FOCAD: variants seen among roughly 807,000 people sequenced by gnomAD.
FOCAD encodes the protein KIAA1797.
A neutral mutation model predicts 225.6 loss-of-function variants in FOCAD; 198 were observed. The observed-to-expected ratio is 0.88, with a 90% CI of 0.78 to 0.99. The LOEUF is 0.99. FOCAD is among the 50% of genes least tolerant of loss of function. The pLI is 0.00. For missense variants in FOCAD, 2,713 were observed against 2,123.6 expected (o/e 1.28, Z -5.46); for synonymous variants, 897 against 755.0 (o/e 1.19, Z -3.08).
intron 20 of FOCAD, among the ~76,000 whole-genome samples, chr9:20,883,218 C>T (rs1452869565): frequency 1.3e-5 from 2 of 152,204 alleles, no homozygotes; most frequent in African/African-American, 4.8e-5. Flanking sequence ...AATATCAATT[C>T]TAACTGGCCT....
chr9:20,951,874 A>G (rs1469031229), intron 34 of FOCAD, among the ~76,000 whole-genome samples: 1 of 152,182 alleles, frequency 6.6e-6, no homozygotes, highest in African/African-American at 2.4e-5. Flanking sequence ...GGTACCAATG[A>G]TTCCTTATTA....
At chr9:20,901,636 TA>T (rs1832574285) in intron 21 of FOCAD, among the ~76,000 whole-genome samples, 2 of 151,910 alleles carry the variant, frequency 1.3e-5, no homozygotes, top group Non-Finnish European at 1.5e-5. Context: ...TCCCTTGTAG[TA>T]AAACATGTAT....
chr9:20,687,117 T>A (rs1204823764), intron 1 of FOCAD, among the ~76,000 whole-genome samples: 1 of 152,186 alleles, frequency 6.6e-6, no homozygotes, highest in Non-Finnish European at 1.5e-5. Flanking sequence ...TTATATATTT[T>A]GAAGATGTTC....
chr9:20,729,822 C>T (rs547826120), intron 4 of FOCAD, among the ~76,000 whole-genome samples: 4 of 152,164 alleles, frequency 2.6e-5, no homozygotes, highest in Admixed American at 6.6e-5. Flanking sequence ...ATCTATGTTG[C>T]TCAGACAGGG....
intron 15 of FOCAD, among the ~76,000 whole-genome samples, chr9:20,860,889 T>C (rs534057504): frequency 1.3e-5 from 2 of 152,362 alleles, no homozygotes; most frequent in South Asian, 2.1e-4. Context: ...CCTTTTCTTT[T>C]AGATTTGGTT....
intron 28 of FOCAD, among the ~76,000 whole-genome samples, chr9:20,936,959 G>A (rs1836040354): frequency 6.6e-6 from 1 of 152,064 alleles, no homozygotes; most frequent in Non-Finnish European, 1.5e-5. Context: ...GCCAAATCAT[G>A]AGTGAACTCC....
At chr9:20,930,533 T>TTGG (rs1835368952) in intron 27 of FOCAD, among the ~76,000 whole-genome samples, 1 of 152,214 alleles carries the variant, frequency 6.6e-6, no homozygotes, top group Non-Finnish European at 1.5e-5. Flanking sequence ...AGAACTGGTG[T>TTGG]TGGTGTGGAT....
intron 4 of FOCAD, among the ~76,000 whole-genome samples, chr9:20,730,535 G>A (rs145639915): frequency 2.7e-4 from 41 of 152,042 alleles, no homozygotes; most frequent in Middle Eastern, 3.4e-3. Flanking sequence ...TATTTTTAAG[G>A]CTGTTTTTGG....
At chr9:20,899,973 AGT>A (rs1832425050) in intron 21 of FOCAD, among the ~76,000 whole-genome samples, 1 of 151,838 alleles carries the variant, frequency 6.6e-6, no homozygotes, top group Non-Finnish European at 1.5e-5. Flanking sequence ...GGGGACATGC[AGT>A]GGTCATTTCA....
intron 39 of FOCAD, among the ~76,000 whole-genome samples, chr9:20,983,747 A>T (rs1840918533): frequency 6.6e-6 from 1 of 152,104 alleles, no homozygotes; most frequent in South Asian, 2.1e-4. Context: ...AAGCTTCATA[A>T]GCTCTCTGCC....
intron 21 of FOCAD, among the ~76,000 whole-genome samples, chr9:20,892,922 A>G (rs1359840779): frequency 6.6e-6 from 1 of 152,176 alleles, no homozygotes; most frequent in African/African-American, 2.4e-5. Flanking sequence ...TCAGTTAGCA[A>G]CCATCAACAT....
At chr9:20,725,350 G>C (rs1826109665) in intron 4 of FOCAD, among the ~76,000 whole-genome samples, 1 of 152,136 alleles carries the variant, frequency 6.6e-6, no homozygotes, top group Non-Finnish European at 1.5e-5. Context: ...GCTTATCTTT[G>C]CTTTAGAAAA....
At chr9:20,835,278 G>A (rs1354442141) in intron 15 of FOCAD, among the ~76,000 whole-genome samples, 1 of 151,994 alleles carries the variant, frequency 6.6e-6, no homozygotes, top group Non-Finnish European at 1.5e-5. Context: ...ATCTTGTAAT[G>A]TAGGTGATAT....
At chr9:20,961,955 T>C (rs1838772008) in intron 35 of FOCAD, among the ~76,000 whole-genome samples, 1 of 152,208 alleles carries the variant, frequency 6.6e-6, no homozygotes, top group Non-Finnish European at 1.5e-5. Flanking sequence ...ATCAGAATCA[T>C]CAATTTATTT....
intron 4 of FOCAD, among the ~76,000 whole-genome samples, chr9:20,725,272 T>C (rs1372357914): frequency 6.6e-6 from 1 of 152,238 alleles, no homozygotes; most frequent in Non-Finnish European, 1.5e-5. Context: ...TACTTGTCTC[T>C]GCCTTCTCTT....
At chr9:20,882,200 A>G in intron 20 of FOCAD, 144 bp downstream of exon 20, 1 of 705,174 alleles carries the variant, frequency 1.4e-6, no homozygotes, top group South Asian at 2.0e-5. Flanking sequence ...TCGCACTTTA[A>G]AAGACATCGC....
intron 15 of FOCAD, among the ~76,000 whole-genome samples, chr9:20,842,397 A>G (rs977698865): frequency 4.6e-5 from 7 of 152,086 alleles, no homozygotes; most frequent in East Asian, 1.9e-4. Context: ...CTTTAATAAT[A>G]TCTGCCTTTA....
At chr9:20,865,097 T>C (rs112860533) in intron 16 of FOCAD, among the ~76,000 whole-genome samples, 166 of 152,202 alleles carry the variant, frequency 1.1e-3, no homozygotes, top group African/African-American at 3.9e-3. Context: ...CCCTGCCTTC[T>C]AGAAGCTCAA....
At chr9:20,833,111 T>C (rs1825672879) in intron 15 of FOCAD, among the ~76,000 whole-genome samples, 1 of 152,124 alleles carries the variant, frequency 6.6e-6, no homozygotes, top group Non-Finnish European at 1.5e-5. Flanking sequence ...TGTACCAATC[T>C]GCATTCCCAC....
Sources: gnomAD v4.1 joint callset for allele counts (sites outside exome capture counted in the v4.1 genomes callset) on GRCh38, gnomAD v4.1.1 for gene constraint, MANE v1.5 for transcripts, NCBI Gene and HGNC (gene_info 2026-07-23, HGNC 2026-07-21) for gene names.